ADGRL2: variants seen among roughly 807,000 people sequenced by gnomAD.
ADGRL2 encodes adhesion G protein-coupled receptor L2.
ADGRL2 carries 44 observed loss-of-function variants against 157.4 expected under a neutral mutation model. That is an observed-to-expected ratio of 0.28 (90% CI 0.22 to 0.36). The LOEUF is 0.36. Among genes scored for constraint, ADGRL2 ranks in the 10% least tolerant of loss-of-function variants. ADGRL2 has a pLI of 1.00. For missense variants in ADGRL2, 1,510 were observed against 1,768.9 expected, an observed-to-expected ratio of 0.85 and a Z score of 2.63; for synonymous variants, 585 against 624.7, an observed-to-expected ratio of 0.94 and a Z score of 0.95.
chr1:81,675,873 C>T (rs2082977135), intron 3 of ADGRL2, among the ~76,000 whole-genome samples: 1 of 152,072 alleles, frequency 6.6e-6, no homozygotes, highest in South Asian at 2.1e-4. Context: ...AGCCACTGTG[C>T]CCGGCAAATA....
chr1:81,420,182 A>G (rs6659962), intron 1 of ADGRL2, among the ~76,000 whole-genome samples: 35,977 of 152,090 alleles, frequency 0.24, 4,384 homozygotes, highest in South Asian at 0.32. Flanking sequence ...GGATTTTGAT[A>G]AGCAAAATTG....
chr1:81,992,691 T>C lies in ADGRL2; in HGVS notation c.*1546T>C, dbSNP rs1389052118. Among the ~76,000 whole-genome samples, 1 of 152,080 alleles carries C rather than the reference T, an allele frequency of 6.6e-6. No homozygotes were observed. The highest frequency in any genetic ancestry group is 2.4e-5 in the African/African-American group (1 of 41,414). On this transcript the variant is annotated 3_prime_UTR_variant, in exon 24 of 24. Coordinates refer to ENST00000686636, the MANE Select transcript of ADGRL2 (RefSeq NM_001366006.2). ...TGTACCAGGACTAAAAAAAGAAGGATTGGAAGTTCTGCCATCAAATTTGGG... is the reference window on the plus strand; with the variant it reads ...TGTACCAGGACTAAAAAAAGAAGGACTGGAAGTTCTGCCATCAAATTTGGG...
At chr1:81,332,044 T>A (rs114442173) in intron 1 of ADGRL2, among the ~76,000 whole-genome samples, 1 of 152,090 alleles carries the variant, frequency 6.6e-6, no homozygotes, top group Non-Finnish European at 1.5e-5. Flanking sequence ...TGGGCCCAAG[T>A]TGTATTTTGA....
At chr1:81,954,691 C>T (rs1652911484) in intron 10 of ADGRL2, among the ~76,000 whole-genome samples, 1 of 152,150 alleles carries the variant, frequency 6.6e-6, no homozygotes, top group South Asian at 2.1e-4. Flanking sequence ...GAAAAAAAGC[C>T]TTTAACGCCA....
chr1:81,746,612 G>T (rs956138690), intron 1 of ADGRL2, among the ~76,000 whole-genome samples: 11 of 151,952 alleles, frequency 7.2e-5, no homozygotes, highest in African/African-American at 2.7e-4. Flanking sequence ...ATTTAAAGCT[G>T]TTTAATCTAT....
At chr1:81,696,927 G>GGC (rs1481620220), upstream of ADGRL2, among the ~76,000 whole-genome samples, 22 of 152,272 alleles carry the variant, frequency 1.4e-4, no homozygotes, top group African/African-American at 5.3e-4. Context: ...GTTGAAAAAT[G>GGC]GCACTGACTA....
At chr1:81,349,969 AT>A (rs973606434) in intron 1 of ADGRL2, among the ~76,000 whole-genome samples, 179 of 151,858 alleles carry the variant, frequency 1.2e-3, no homozygotes, top group Middle Eastern at 3.4e-3. Context: ...CTCTTTTATC[AT>A]TTTTTTTCCC....
intron 2 of ADGRL2, among the ~76,000 whole-genome samples, chr1:81,842,967 G>A (rs1557755925): frequency 6.6e-6 from 1 of 152,058 alleles, no homozygotes; most frequent in Admixed American, 6.6e-5. Context: ...TAAATTTTTA[G>A]CAAGGTACTT....
At chr1:81,888,586 C>T (rs2094184671) in intron 2 of ADGRL2, among the ~76,000 whole-genome samples, 1 of 152,044 alleles carries the variant, frequency 6.6e-6, no homozygotes, top group Admixed American at 6.6e-5. Context: ...CTACAGGCGC[C>T]CGCCACCGCG....
intron 1 of ADGRL2, among the ~76,000 whole-genome samples, chr1:81,344,197 T>C (rs1048269585): frequency 6.6e-6 from 1 of 152,060 alleles, no homozygotes; most frequent in Admixed American, 6.6e-5. Flanking sequence ...GCCTCCCAAA[T>C]AGCTTGGATT....
At chr1:81,644,256 G>T (rs1460009502) in intron 3 of ADGRL2, among the ~76,000 whole-genome samples, 1 of 152,030 alleles carries the variant, frequency 6.6e-6, no homozygotes, top group African/African-American at 2.4e-5. Context: ...AACCACAAAA[G>T]TATAAAACTC....
At chr1:81,564,643 G>A (rs1253500207) in intron 2 of ADGRL2, among the ~76,000 whole-genome samples, 6 of 152,118 alleles carry the variant, frequency 3.9e-5, no homozygotes, top group Non-Finnish European at 8.8e-5. Context: ...TCTCAGAAGT[G>A]ACATCTCATC....
intron 1 of ADGRL2, among the ~76,000 whole-genome samples, chr1:81,328,956 T>C (rs1446871137): frequency 7.2e-6 from 1 of 138,572 alleles, no homozygotes; most frequent in African/African-American, 2.6e-5. Flanking sequence ...ATATTTTACA[T>C]GATCTACAAA....
intron 7 of ADGRL2, 94 bp downstream of exon 7, chr1:81,950,576 T>C (rs1651456655): frequency 2.6e-6 from 3 of 1,169,474 alleles, no homozygotes; most frequent in Non-Finnish European, 3.6e-6. Context: ...AAGCGATGTT[T>C]ACAGTAGCTA....
chr1:81,669,860 A>G (rs545098461), intron 3 of ADGRL2, among the ~76,000 whole-genome samples: 102 of 150,078 alleles, frequency 6.8e-4, no homozygotes, highest in Middle Eastern at 7.0e-3. Context: ...GGAGAATGGC[A>G]TGAACCCGGG....
chr1:81,623,245 T>G (rs1647251476), intron 3 of ADGRL2, among the ~76,000 whole-genome samples: 1 of 152,126 alleles, frequency 6.6e-6, no homozygotes, highest in Non-Finnish European at 1.5e-5. Flanking sequence ...GCAGTAACAA[T>G]GAAAGTTACA....
rs561182895 is a variant in ADGRL2 at position 81,368,192 on chromosome 1, T to C, written c.-302+61683T>C. On this transcript the variant is annotated intron_variant, in intron 1 of 24. Coordinates refer to the ADGRL2 transcript ENST00000370721. ...CCTCCACAACCTCACCAGCATCTGA[T>C]GTTTCTTGACTTTTTAATAATCACC... is the stretch of plus-strand genomic sequence containing the variant. 2.6e-5 allele frequency among the ~76,000 whole-genome samples: 4 copies of C among 152,328 alleles called. No homozygotes were observed. In the South Asian group the frequency reaches 6.2e-4, roughly 24 times the overall value.
intron 3 of ADGRL2, 44 bp from the exon 4 acceptor site, chr1:81,936,684 C>A (rs202160138): frequency 1.6e-5 from 8 of 491,456 alleles, no homozygotes; most frequent in Admixed American, 3.0e-5. Flanking sequence ...TGAAAATAAT[C>A]AAATAAATTA....
intron 17 of ADGRL2, among the ~76,000 whole-genome samples, chr1:81,972,769 C>T (rs1484472015): frequency 6.6e-6 from 1 of 151,472 alleles, no homozygotes; most frequent in East Asian, 1.9e-4. Flanking sequence ...TAAATTAGTT[C>T]GGTGTTGAGG....
Sources: allele counts gnomAD v4.1 joint callset (sites outside exome capture counted in the v4.1 genomes callset), GRCh38; gene constraint gnomAD v4.1.1; transcripts MANE v1.5; gene names NCBI Gene and HGNC (gene_info 2026-07-23, HGNC 2026-07-21).